GAS7: variants seen among roughly 807,000 people sequenced by gnomAD.
The protein encoded by GAS7 is growth arrest specific 7.
In GAS7, 28 loss-of-function variants were observed where a neutral mutation model predicts 71.1. That is an observed-to-expected ratio of 0.39 (90% CI 0.29 to 0.54). The LOEUF (loss-of-function observed/expected upper bound fraction) is 0.54, where lower values mean the gene tolerates loss of function less well. Ranked by LOEUF, GAS7 falls within the 20% of genes least tolerant of loss-of-function variation. The pLI, the probability that GAS7 is intolerant of heterozygous loss-of-function variation, is 0.62. For synonymous variants in GAS7, 258 were observed against 245.8 expected (o/e 1.05, Z -0.46); for missense variants, 436 against 627.8 (o/e 0.69, Z 3.27).
intron 1 of GAS7, among the ~76,000 whole-genome samples, chr17:10,133,367 C>T (rs1162823306): frequency 2.6e-5 from 4 of 152,070 alleles, no homozygotes; most frequent in Non-Finnish European, 5.9e-5. Context: ...AAGTGATCTG[C>T]CTGCCTCGGC....
At chr17:10,045,276 T>C (rs1042712815) in intron 1 of GAS7, among the ~76,000 whole-genome samples, 1 of 152,216 alleles carries the variant, frequency 6.6e-6, no homozygotes, top group African/African-American at 2.4e-5. Context: ...AGACTGTGGC[T>C]GGCTCCAGAC....
At chr17:10,152,191 T>A (rs2074171527) in intron 1 of GAS7, among the ~76,000 whole-genome samples, 1 of 152,078 alleles carries the variant, frequency 6.6e-6, no homozygotes, top group Admixed American at 6.6e-5. Flanking sequence ...GTATCTTGGT[T>A]GACAAGCCCC....
intron 1 of GAS7, among the ~76,000 whole-genome samples, chr17:10,108,051 C>T (rs2073776716): frequency 6.6e-6 from 1 of 152,056 alleles, no homozygotes; most frequent in Admixed American, 6.5e-5. Flanking sequence ...GCAGGGGAAC[C>T]ACCTTACCAT....
intron 1 of GAS7, among the ~76,000 whole-genome samples, chr17:10,069,583 A>C (rs1434083644): frequency 6.6e-6 from 1 of 152,206 alleles, no homozygotes; most frequent in African/African-American, 2.4e-5. Flanking sequence ...AGAGACGCAA[A>C]GCGACTTGCC....
chr17:9,985,643 C>A (rs2070617343), intron 2 of GAS7, among the ~76,000 whole-genome samples: 1 of 152,234 alleles, frequency 6.6e-6, no homozygotes, highest in Non-Finnish European at 1.5e-5. Context: ...TGCAGAGGCT[C>A]ATAGCTGAGT....
chr17:10,144,830 G>C (rs9892327), intron 1 of GAS7, among the ~76,000 whole-genome samples: 2 of 152,230 alleles, frequency 1.3e-5, no homozygotes, highest in African/African-American at 4.8e-5. Context: ...TTACAGGCGT[G>C]AGCCACTGCG....
intron 1 of GAS7, among the ~76,000 whole-genome samples, chr17:10,185,192 T>C (rs2074443272): frequency 6.6e-6 from 1 of 152,172 alleles, no homozygotes; most frequent in Admixed American, 6.5e-5. Flanking sequence ...CCCAAAGTGC[T>C]GAGATTACAG....
At position 10,194,696 on chromosome 17, in the gene GAS7, G is replaced by A. The variant is rs114851634; in HGVS notation, c.183+3512C>T. On this transcript the variant is annotated intron_variant, in intron 1 of 13. Transcript: ENST00000432992. ...ATGATGTTAAAAAGACTTCTCGGCC[G>A]GGCACAGTGGCTCACGCCTGTAATC... is the stretch of plus-strand genomic sequence containing the variant. Among the ~76,000 whole-genome samples the A allele has an allele frequency of 4.1e-3, 629 of 151,686 alleles. 8 individuals carry two copies. The highest frequency in any genetic ancestry group is 0.014 in the African/African-American group (596 of 41,414).
intron 1 of GAS7, among the ~76,000 whole-genome samples, chr17:10,171,678 C>T (rs915344685): frequency 5.9e-5 from 9 of 152,136 alleles, no homozygotes; most frequent in Admixed American, 4.6e-4. Flanking sequence ...CCAGGCAGTC[C>T]GTGTAAGGGA....
At chr17:10,188,969 T>C (rs2074477517) in intron 1 of GAS7, among the ~76,000 whole-genome samples, 1 of 152,242 alleles carries the variant, frequency 6.6e-6, no homozygotes, top group South Asian at 2.1e-4. Flanking sequence ...ATGAAGTGTC[T>C]ATCCAAGTTC....
At chr17:10,147,422 C>T (rs1486420747) in intron 1 of GAS7, among the ~76,000 whole-genome samples, 1 of 152,128 alleles carries the variant, frequency 6.6e-6, no homozygotes, top group East Asian at 1.9e-4. Flanking sequence ...GCTCAGACAA[C>T]CTCAATTAAG....
In GAS7 at chr17:9,959,704, G is replaced by A. The variant is rs1217435491; in HGVS notation, c.472-449C>T. On this transcript the variant is annotated intron_variant, in intron 4 of 13. Coordinates refer to ENST00000432992, the MANE Select transcript of GAS7 (RefSeq NM_201433.2). This position sits in a 1 kb window ranked among gnomAD's most constrained non-coding sequence, Gnocchi z 5.0. ...TTCTGAAACCCCCCGGGTCCAAAAC[G>A]TCAAACCTAAATACACACAATGTGC... 1.3e-5 allele frequency among the ~76,000 whole-genome samples: 2 copies of A among 152,080 alleles called. No individual in the cohort carries two copies. The highest frequency in any genetic ancestry group is 1.5e-5 in the Non-Finnish European group (1 of 68,020).
intron 1 of GAS7, among the ~76,000 whole-genome samples, chr17:10,044,890 T>A (rs2072926301): frequency 6.6e-6 from 1 of 151,910 alleles, no homozygotes; most frequent in Admixed American, 6.6e-5. Context: ...CCATCTCTAC[T>A]GAAAATACAA....
intron 2 of GAS7, among the ~76,000 whole-genome samples, chr17:10,018,768 A>G (rs1319937093): frequency 1.3e-5 from 2 of 152,116 alleles, no homozygotes; most frequent in Non-Finnish European, 2.9e-5. Flanking sequence ...AGCTGTAGTA[A>G]CGATACCCCC....
At chr17:10,163,317 G>C (rs1332279635) in intron 1 of GAS7, among the ~76,000 whole-genome samples, 5 of 151,822 alleles carry the variant, frequency 3.3e-5, no homozygotes, top group Admixed American at 2.0e-4. Context: ...CGGGGGAGTG[G>C]TTTCACCATG....
At chr17:10,131,802 CATAA>C (rs201739731) in intron 1 of GAS7, among the ~76,000 whole-genome samples, 1,656 of 152,008 alleles carry the variant, frequency 0.011, 32 homozygotes, top group African/African-American at 0.037. Context: ...CTCATGAATA[CATAA>C]ATAGACGGGC....
At chr17:9,938,020 C>T (rs1269645976) in intron 8 of GAS7, among the ~76,000 whole-genome samples, 1 of 152,154 alleles carries the variant, frequency 6.6e-6, no homozygotes, top group African/African-American at 2.4e-5. Flanking sequence ...GTGCAACTAC[C>T]ACCTCTATCT....
chr17:9,990,386 G>A lies in GAS7; in HGVS notation c.305-8502C>T, dbSNP rs1348632903. ...CTTCGCCCAGAGCGAGCGAGCCAGGGGAAAGCAAGGCAAAGGGTACAATGT... is the reference window on the plus strand; with the variant it reads ...CTTCGCCCAGAGCGAGCGAGCCAGGAGAAAGCAAGGCAAAGGGTACAATGT... On this transcript the variant is annotated intron_variant, in intron 2 of 13. Transcript: ENST00000432992. Among the ~76,000 whole-genome samples, 3 of 152,336 alleles carry A rather than the reference G, an allele frequency of 2.0e-5. No individual in the cohort carries two copies. The East Asian group carries it at 5.8e-4, about 29-fold the overall frequency.
intron 1 of GAS7, among the ~76,000 whole-genome samples, chr17:10,119,416 G>C (rs1394310645): frequency 6.6e-6 from 1 of 152,226 alleles, no homozygotes; most frequent in Non-Finnish European, 1.5e-5. Context: ...TATTTAAGGA[G>C]ACAGAGGTTA....
Sources: allele counts gnomAD v4.1 joint callset (sites outside exome capture counted in the v4.1 genomes callset), GRCh38; gene constraint gnomAD v4.1.1; non-coding constraint Gnocchi (gnomAD v3.1); transcripts MANE v1.5; gene names NCBI Gene and HGNC (gene_info 2026-07-23, HGNC 2026-07-21).